EIF4E2: variants seen among roughly 807,000 people sequenced by gnomAD.
The protein encoded by EIF4E2 is eukaryotic translation initiation factor 4E type 2.
Under a neutral mutation model 34.2 loss-of-function variants are expected in EIF4E2, and 13 were observed. The observed-to-expected ratio is 0.38, with a 90% CI of 0.25 to 0.60. The LOEUF (loss-of-function observed/expected upper bound fraction) is 0.60. EIF4E2 is among the 20% of genes least tolerant of loss of function. The pLI, the probability that EIF4E2 is intolerant of heterozygous loss-of-function variation, is 0.62. For synonymous variants in EIF4E2, 100 were observed against 106.6 expected, an observed-to-expected ratio of 0.94 and a Z score of 0.38; for missense variants, 222 against 315.1, an observed-to-expected ratio of 0.70 and a Z score of 2.24.
chr2:232,559,885 G>A (rs1368082751), intron 3 of EIF4E2, among the ~76,000 whole-genome samples: 1 of 150,350 alleles, frequency 6.7e-6, no homozygotes, highest in East Asian at 1.9e-4. Context: ...CAACTACTCA[G>A]GAGGCTGAGG....
At chr2:232,555,121 C>A (rs1692476970) in intron 1 of EIF4E2, among the ~76,000 whole-genome samples, 1 of 152,164 alleles carries the variant, frequency 6.6e-6, no homozygotes, top group South Asian at 2.1e-4. Context: ...TTTTAATGTA[C>A]TAGGCACTGG....
downstream of EIF4E2, among the ~76,000 whole-genome samples, chr2:232,573,085 A>G (rs1461684418): frequency 1.3e-5 from 2 of 152,226 alleles, no homozygotes; most frequent in African/African-American, 4.8e-5. Context: ...CTTTCCAGAA[A>G]GAGCTCTGAA....
intron 6 of EIF4E2, among the ~76,000 whole-genome samples, chr2:232,575,100 A>G (rs1407645238): frequency 6.6e-6 from 1 of 152,192 alleles, no homozygotes; most frequent in African/African-American, 2.4e-5. Context: ...CTGGACATCA[A>G]ACTACCCCTG....
chr2:232,575,320 G>C (rs141566685), intron 6 of EIF4E2, among the ~76,000 whole-genome samples: 53 of 85,024 alleles, frequency 6.2e-4, no homozygotes, highest in African/African-American at 1.9e-3. Context: ...AGGGGTGTAG[G>C]TATGATATAC....
At chr2:232,569,343 C>T (rs1309180845), downstream of EIF4E2, 7 of 898,304 alleles carry the variant, frequency 7.8e-6, no homozygotes, top group Admixed American at 4.0e-5. Flanking sequence ...TTTCCATAAG[C>T]CCATTGTGTA....
intron 6 of EIF4E2, among the ~76,000 whole-genome samples, chr2:232,576,886 C>T (rs1048732678): frequency 6.6e-6 from 1 of 152,186 alleles, no homozygotes; most frequent in East Asian, 1.9e-4. Flanking sequence ...GGCAGAGAAA[C>T]TGCTATTTAA....
rs1475508746 is a variant in EIF4E2, at chr2:232,566,659, T to C, written c.376-170T>C. The stretch of plus-strand genomic sequence containing the variant: ...GATCCCAGCCTTGTTTTTCTTTTTT[T>C]CCCCATTTCTTCTCTCCCTAGTCCT... On this transcript the variant is annotated intron_variant, in intron 4 of 6. Transcript: ENST00000258416. The surrounding 1 kb of genome is among the most constrained non-coding windows in gnomAD (Gnocchi z 4.9). Among the ~76,000 whole-genome samples the C allele has an allele frequency of 1.3e-5, 2 of 152,240 alleles. No homozygotes were observed. Among genetic ancestry groups the C allele is most frequent in the African/African-American group, 2.4e-5 (1 of 41,458 alleles).
intron 2 of EIF4E2, among the ~76,000 whole-genome samples, chr2:232,557,259 G>C (rs974829943): frequency 2.0e-5 from 3 of 152,028 alleles, no homozygotes; most frequent in Non-Finnish European, 2.9e-5. Context: ...AACAAACAAA[G>C]AAATATCAAA....
In EIF4E2 at chr2:232,581,554, C is replaced by T. The variant is rs1693361339; in HGVS notation, c.*611C>T. The T allele has an allele frequency of 5.6e-6, 1 of 179,470 alleles. No homozygotes were observed. Among genetic ancestry groups the T allele is most frequent in the Admixed American group, 5.6e-5 (1 of 17,764 alleles). 11.1% of individuals were successfully genotyped at this position (179,470 alleles called of 1,614,324 possible). A position where few individuals can be genotyped will look rare whatever the true frequency, so the allele number is the denominator to read the frequency against. Reference sequence around the variant, plus strand: ...CCGGTCTCCTCTCCTGTGGGACTCTCTCCTTCTTAGGCACAGCTGCACTTA... The same window carrying T: ...CCGGTCTCCTCTCCTGTGGGACTCTTTCCTTCTTAGGCACAGCTGCACTTA... On this transcript the variant is annotated 3_prime_UTR_variant, in exon 7 of 7. Coordinates refer to the EIF4E2 transcript ENST00000409098. This position sits in a 1 kb window ranked among gnomAD's most constrained non-coding sequence, Gnocchi z 5.2.
chr2:232,556,426 G>C lies in EIF4E2; in HGVS notation c.31G>C (p.Asp11His). ...TGCCTTTCCATTCAGTTTGAAAGAT[G>C]ATGACAGTGGGGACCATGATCAGAA... MNNKFDALKDDDSGDHDQNEE... is the reference protein window; with the variant it reads MNNKFDALKDHDSGDHDQNEE... The change falls in exon 2 of 7, where the codon GAT becomes CAT. Residue 11 changes from aspartate to histidine, a missense_variant. Around this residue, in one of 3 missense-constraint regions of EIF4E2, gnomAD observed 87 missense variants for 93.6 expected, o/e 0.93. Coordinates refer to ENST00000258416, the MANE Select transcript of EIF4E2 (RefSeq NM_004846.4). The C allele has an allele frequency of 6.2e-7, 1 of 1,613,484 alleles. No homozygotes were observed. Among genetic ancestry groups the C allele is most frequent in the Non-Finnish European group, 8.5e-7 (1 of 1,179,600 alleles).
chr2:232,557,789 T>A, intron 2 of EIF4E2, 95 bp from the exon 3 acceptor site: 1 of 1,381,918 alleles, frequency 7.2e-7, no homozygotes, highest in Non-Finnish European at 1.0e-6. Context: ...CTTTTTTAAT[T>A]GTGGAGGTGG....
In EIF4E2 at chr2:232,557,900, C is replaced by A. The variant is rs148255880; in HGVS notation, c.152C>A (p.Pro51Gln). The A allele has an allele frequency of 1.2e-6, 2 of 1,613,396 alleles. No homozygotes were observed. Among genetic ancestry groups the A allele is most frequent in the Non-Finnish European group, 1.7e-6 (2 of 1,179,888 alleles). The part of the protein sequence containing the change: ...SSKRKAVVPG[P>Q]AEHPLQYNYT... ...ACTTCCCAGGCTGTTGTCCCTGGAC[C>A]GGCAGAGCATCCCCTGCAGTACAAC... The change falls in exon 3 of 7, where the codon CCG becomes CAG. Residue 51 changes from proline to glutamine, a missense_variant. Physicochemically the swap from Pro to Gln is moderately conservative, Grantham distance 76. This residue lies in a region of EIF4E2 where 87 missense variants were observed against 93.6 expected (regional missense o/e 0.93). Transcript: ENST00000258416.
chr2:232,559,449 A>T (rs80234614), intron 3 of EIF4E2, among the ~76,000 whole-genome samples: 34,569 of 151,048 alleles, frequency 0.23, 4,153 homozygotes, highest in Admixed American at 0.29. Context: ...AAAAAATAAA[A>T]AAATAAAATA....
At chr2:232,559,966 G>A (rs985670474) in intron 3 of EIF4E2, among the ~76,000 whole-genome samples, 2 of 152,140 alleles carry the variant, frequency 1.3e-5, no homozygotes, top group African/African-American at 4.8e-5. Context: ...ACTCTAGCCT[G>A]GGCAACAGAG....
intron 3 of EIF4E2, among the ~76,000 whole-genome samples, chr2:232,562,106 T>A (rs1729246): frequency 6.6e-6 from 1 of 151,714 alleles, no homozygotes; most frequent in African/African-American, 2.4e-5. Context: ...TCCCAGCTAC[T>A]CAGGAGGCTG....
chr2:232,563,074 A>G (rs1337949578), intron 3 of EIF4E2, among the ~76,000 whole-genome samples: 1 of 152,218 alleles, frequency 6.6e-6, no homozygotes, highest in African/African-American at 2.4e-5. Flanking sequence ...TGTCTACTCG[A>G]TACCCATTGT....
At chr2:232,574,314 C>T (rs754201658) in intron 6 of EIF4E2, 14 of 1,550,412 alleles carry the variant, frequency 9.0e-6, no homozygotes, top group African/African-American at 5.5e-5. Context: ...GCTGATCGGA[C>T]GCTCCCCCTC....
At position 232,566,098 on chromosome 2, in the gene EIF4E2, GAAA is replaced by G. The variant is rs879729698; in HGVS notation, c.376-720_376-718del. ...CAGCGGGAGACTCCATCGCAAAAAAGAAAAAAAAAAAAACTAGATTGGGGCTTC... is the reference window on the plus strand; with the variant it reads ...CAGCGGGAGACTCCATCGCAAAAAAGAAAAAAAAAACTAGATTGGGGCTTC... On this transcript the variant is annotated intron_variant, in intron 4 of 6. Coordinates refer to ENST00000258416, the MANE Select transcript of EIF4E2 (RefSeq NM_004846.4). The surrounding 1 kb of genome is among the most constrained non-coding windows in gnomAD (Gnocchi z 4.9). Among the ~76,000 whole-genome samples the G allele has an allele frequency of 3.6e-5, 5 of 137,512 alleles. No individual in the cohort carries two copies. The highest frequency in any genetic ancestry group is 1.3e-4 in the African/African-American group (5 of 37,378). The allele number at this position is 137,512 out of a possible 152,430, so 90.2% of individuals were successfully genotyped here.
chr2:232,563,273 A>G (rs746613087), intron 3 of EIF4E2, among the ~76,000 whole-genome samples: 1 of 152,120 alleles, frequency 6.6e-6, no homozygotes, highest in Non-Finnish European at 1.5e-5. Flanking sequence ...TCAAGACACT[A>G]GTGAACCTGT....
Sources: allele counts gnomAD v4.1 joint callset (sites outside exome capture counted in the v4.1 genomes callset), GRCh38; gene constraint gnomAD v4.1.1; regional missense constraint gnomAD v4.1.1; non-coding constraint Gnocchi (gnomAD v3.1); transcripts MANE v1.5; gene names NCBI Gene and HGNC (gene_info 2026-07-23, HGNC 2026-07-21).